HEATR5B: variants seen among roughly 807,000 people sequenced by gnomAD.
HEATR5B encodes the protein HEAT repeat-containing protein 5B.
In HEATR5B, 156 loss-of-function variants were observed where a neutral mutation model predicts 224.1. That is an observed-to-expected ratio of 0.70 (90% CI 0.61 to 0.80). The LOEUF (loss-of-function observed/expected upper bound fraction) is 0.80, where lower values mean the gene tolerates loss of function less well. Among genes scored for constraint, HEATR5B ranks in the 30% least tolerant of loss-of-function variants. The pLI, the probability that HEATR5B is intolerant of heterozygous loss-of-function variation, is 0.00. For missense variants in HEATR5B, 2,323 were observed against 2,535.5 expected (o/e 0.92, Z 1.80); for synonymous variants, 1,027 against 893.0 (o/e 1.15, Z -2.68).
chr2:37,074,971 G>A (rs957022785), intron 5 of HEATR5B, among the ~76,000 whole-genome samples: 1 of 152,226 alleles, frequency 6.6e-6, no homozygotes, highest in Non-Finnish European at 1.5e-5. Flanking sequence ...TAGTAGAAAT[G>A]CAGAATGGCA....
intron 27 of HEATR5B, among the ~76,000 whole-genome samples, chr2:37,009,250 C>A (rs1667634314): frequency 9.4e-6 from 1 of 106,058 alleles, no homozygotes; most frequent in Non-Finnish European, 1.7e-5. Context: ...AAGTGAGACT[C>A]TGTCTCAAAA....
chr2:37,081,200 G>C (rs926939768), intron 2 of HEATR5B, among the ~76,000 whole-genome samples: 2 of 152,102 alleles, frequency 1.3e-5, no homozygotes, highest in Non-Finnish European at 1.5e-5. Context: ...ACGTCTAGTT[G>C]ACAATTACAA....
intron 14 of HEATR5B, among the ~76,000 whole-genome samples, chr2:37,057,782 G>A (rs1055902564): frequency 6.6e-6 from 1 of 152,142 alleles, no homozygotes; most frequent in Non-Finnish European, 1.5e-5. Context: ...GCTGAGGCAG[G>A]AGGATTGCTT....
chr2:37,071,396 T>C (rs764569762), intron 6 of HEATR5B, among the ~76,000 whole-genome samples: 3 of 152,158 alleles, frequency 2.0e-5, no homozygotes, highest in Admixed American at 6.5e-5. Context: ...CAAGAGTAAT[T>C]TGAAAACTCA....
At position 37,007,405 on chromosome 2, in the gene HEATR5B, G is replaced by A. The variant is rs1249876915; in HGVS notation, c.4523-101C>T. The A allele has an allele frequency of 3.1e-6, 4 of 1,287,366 alleles. No individual in the cohort carries two copies. In the East Asian group the frequency reaches 1.0e-4, roughly 33 times the overall value. 79.7% of individuals were successfully genotyped at this position (1,287,366 alleles called of 1,614,324 possible). A position where few individuals can be genotyped will look rare whatever the true frequency, so the allele number is the denominator to read the frequency against. The stretch of plus-strand genomic sequence containing the variant: ...GTCGCCCAGGCTGGAGTGCAATGGT[G>A]CGATCTTGGCTCACTGCAACCTCCT... On this transcript the variant is annotated intron_variant, in intron 28 of 35. Coordinates refer to ENST00000233099, the MANE Select transcript of HEATR5B (RefSeq NM_019024.3).
In HEATR5B at chr2:37,008,845, A is replaced by G; in HGVS notation, c.4288T>C (p.Tyr1430His). ...TTTTTAATATTCATAGCGACCACAT[A>G]TACCTAATATGATATTTATGAGGAC... ...LAVLKAWAEVYVVAMNIKKEA... is the reference protein window; with the variant it reads ...LAVLKAWAEVHVVAMNIKKEA... The change falls in exon 28 of 36, where the codon TAT (tyrosine) becomes CAT (histidine). Residue 1430 changes from tyrosine (Y) to histidine (H), a missense_variant. Coordinates refer to ENST00000233099, the MANE Select transcript of HEATR5B (RefSeq NM_019024.3). The G allele has an allele frequency of 6.4e-7, 1 of 1,570,646 alleles. No homozygotes were observed. The highest frequency in any genetic ancestry group is 8.8e-7 in the Non-Finnish European group (1 of 1,142,126).
intron 5 of HEATR5B, among the ~76,000 whole-genome samples, chr2:37,074,699 C>G (rs759608867): frequency 2.0e-5 from 3 of 152,142 alleles, no homozygotes; most frequent in Non-Finnish European, 2.9e-5. Context: ...TCTCAAAAGT[C>G]AATAATTATA....
chr2:37,040,787 C>G (rs2287107), intron 19 of HEATR5B, among the ~76,000 whole-genome samples: 83,534 of 151,372 alleles, frequency 0.55, 23,149 homozygotes, highest in South Asian at 0.64. Flanking sequence ...CCAGGACCTA[C>G]GTTGGGGTAT....
intron 11 of HEATR5B, among the ~76,000 whole-genome samples, chr2:37,061,242 A>G (rs1423207697): frequency 2.6e-5 from 4 of 152,240 alleles, no homozygotes; most frequent in African/African-American, 7.2e-5. Context: ...ATCTATATTT[A>G]CATTGCTAAA....
At chr2:37,019,137 G>C (rs1206345464) in intron 26 of HEATR5B, among the ~76,000 whole-genome samples, 1 of 151,918 alleles carries the variant, frequency 6.6e-6, no homozygotes, top group Non-Finnish European at 1.5e-5. Context: ...TCCAGCCTGG[G>C]TGACAGAGTG....
At chr2:37,010,664 C>G (rs531892693) in intron 27 of HEATR5B, among the ~76,000 whole-genome samples, 61 of 152,068 alleles carry the variant, frequency 4.0e-4, no homozygotes, top group Non-Finnish European at 1.2e-4. Context: ...CAGGCACACA[C>G]CAGCAAGCCT....
intron 11 of HEATR5B, 30 bp from the exon 12 acceptor site, chr2:37,060,763 T>A: frequency 2.5e-6 from 4 of 1,602,058 alleles, no homozygotes; most frequent in Non-Finnish European, 3.4e-6. Flanking sequence ...TACAAAACCA[T>A]GTATATGTAA....
In HEATR5B at chr2:37,051,212, T is replaced by C. The variant is rs1330275712; in HGVS notation, c.2506-1369A>G. Among the ~76,000 whole-genome samples, 5 of 151,306 alleles carry C rather than the reference T, an allele frequency of 3.3e-5. No homozygotes were observed. In the East Asian group the frequency reaches 9.8e-4, roughly 30 times the overall value. Reference sequence around the variant, plus strand: ...CTCTGCTAAAAATACAAAAATTAGCTGGGCATGATGGCGCGTGCCTATAAT... The same window carrying C: ...CTCTGCTAAAAATACAAAAATTAGCCGGGCATGATGGCGCGTGCCTATAAT... On this transcript the variant is annotated intron_variant, in intron 17 of 35. Coordinates refer to ENST00000233099, the MANE Select transcript of HEATR5B (RefSeq NM_019024.3).
At chr2:37,036,358 T>G (rs1449526549) in intron 21 of HEATR5B, among the ~76,000 whole-genome samples, 1 of 152,206 alleles carries the variant, frequency 6.6e-6, no homozygotes, top group African/African-American at 2.4e-5. Flanking sequence ...TTAATCACAC[T>G]AACTAATTGG....
intron 24 of HEATR5B, 108 bp downstream of exon 24, chr2:37,027,815 G>T: frequency 1.8e-6 from 2 of 1,083,172 alleles, no homozygotes; most frequent in East Asian, 2.4e-5. Context: ...ATAAATAAAT[G>T]GCATATTCTA....
At chr2:37,039,519 C>T (rs909170823) in intron 20 of HEATR5B, among the ~76,000 whole-genome samples, 3 of 152,170 alleles carry the variant, frequency 2.0e-5, no homozygotes, top group African/African-American at 7.2e-5. Flanking sequence ...TCCAACCACT[C>T]ACTAGTTTCC....
At chr2:37,076,539 C>A (rs182117483) in intron 4 of HEATR5B, among the ~76,000 whole-genome samples, 3 of 152,092 alleles carry the variant, frequency 2.0e-5, no homozygotes, top group Admixed American at 1.3e-4. Flanking sequence ...TATCGCAGAC[C>A]TCCAGCTTCC....
chr2:37,063,557 G>C (rs567897814), intron 10 of HEATR5B, among the ~76,000 whole-genome samples: 1 of 152,226 alleles, frequency 6.6e-6, no homozygotes. Context: ...AAAGTCTGAG[G>C]AAGATGAGAA....
chr2:37,052,952 C>T (rs1208101869), intron 17 of HEATR5B, among the ~76,000 whole-genome samples: 1 of 152,028 alleles, frequency 6.6e-6, no homozygotes, highest in African/African-American at 2.4e-5. Flanking sequence ...CACAGTTGAC[C>T]ATTGGTAATT....
Sources: gnomAD v4.1 joint callset for allele counts (sites outside exome capture counted in the v4.1 genomes callset) on GRCh38, gnomAD v4.1.1 for gene constraint, MANE v1.5 for transcripts, NCBI Gene and HGNC (gene_info 2026-07-23, HGNC 2026-07-21) for gene names.